The following RGS3 variants were observed in gnomAD, a reference collection of about 807,000 sequenced individuals.
The protein encoded by RGS3 is regulator of G-protein signalling 3.
A neutral mutation model predicts 132.6 loss-of-function variants in RGS3; 80 were observed. The ratio of observed to expected loss-of-function variants is 0.60; its 90% confidence interval spans 0.50 to 0.73. The LOEUF (loss-of-function observed/expected upper bound fraction) is 0.73. RGS3 is among the 30% of genes least tolerant of loss of function. RGS3 has a pLI of 0.00. For synonymous variants in RGS3, 598 were observed against 620.6 expected (o/e 0.96, Z 0.54); for missense variants, 1,382 against 1,530.8 (o/e 0.90, Z 1.62).
Position 113,565,525 on chromosome 9 carries a change from T to C in RGS3, c.2038-17925T>C, listed in dbSNP as rs1236198434. 8.3e-6 allele frequency: 4 copies of C among 484,346 alleles called. No homozygotes were observed. In the East Asian group the frequency reaches 3.0e-4, roughly 37 times the overall value. The allele number at this position is 484,346 out of a possible 1,614,324, so 30.0% of individuals were successfully genotyped here. A position where few individuals can be genotyped will look rare whatever the true frequency, so the allele number is the denominator to read the frequency against. ...TTCTGCTTTTCCTAGCAGGTATCGCTCCCCTGGGGAACTTGGGTAAGTCCA... is the reference window on the plus strand; with the variant it reads ...TTCTGCTTTTCCTAGCAGGTATCGCCCCCCTGGGGAACTTGGGTAAGTCCA... On this transcript the variant is annotated intron_variant, in intron 19 of 24. Transcript: ENST00000350696. This position sits in a 1 kb window ranked among gnomAD's most constrained non-coding sequence, Gnocchi z 5.7.
chr9:113,463,606 T>C lies in RGS3; in HGVS notation c.415+1405T>C. ...GCCGCCTCCCCCACCCCGGCCCAGC[T>C]CTGCTCCGGCAGGTGGAACTCTCCC... On this transcript the variant is annotated intron_variant, in intron 3 of 24. Coordinates refer to ENST00000350696, the Ensembl canonical transcript of RGS3. This position sits in a 1 kb window ranked among gnomAD's most constrained non-coding sequence, Gnocchi z 4.6. The C allele has an allele frequency of 3.0e-6, 2 of 667,030 alleles. No individual in the cohort carries two copies. The highest frequency in any genetic ancestry group is 4.1e-6 in the Non-Finnish European group (2 of 489,968). 41.3% of individuals were successfully genotyped at this position (667,030 alleles called of 1,614,324 possible). A position where few individuals can be genotyped will look rare whatever the true frequency, so the allele number is the denominator to read the frequency against.
At chr9:113,594,175 ACCGTTGCTGCCCGCTGC>A (rs1835608970) in intron 21 of RGS3, 1 of 1,612,952 alleles carries the variant, frequency 6.2e-7, no homozygotes, top group Non-Finnish European at 8.5e-7. Context: ...TGCAGCCTGC[ACCGTTGCTGCCCGCTGC>A]CCAGGACGCG....
rs558102038 is a variant in RGS3 at position 113,504,371 on chromosome 9, C to G, written c.898-1071C>G. Among the ~76,000 whole-genome samples the G allele has an allele frequency of 2.0e-5, 3 of 152,336 alleles. No homozygotes were observed. In the South Asian group the frequency reaches 6.2e-4, roughly 32 times the overall value. ...GGGTCTCTCGGGACCCCTTGAATCCCTTTTCTGATTTGTGCTGCCTTTAGC... is the reference window on the plus strand; with the variant it reads ...GGGTCTCTCGGGACCCCTTGAATCCGTTTTCTGATTTGTGCTGCCTTTAGC... On this transcript the variant is annotated intron_variant, in intron 10 of 24. Coordinates refer to ENST00000350696, the Ensembl canonical transcript of RGS3.
exon 25 of RGS3, chr9:113,597,477 T>C (rs1404744688): frequency 5.2e-5 from 8 of 153,170 alleles, no homozygotes; most frequent in African/African-American, 1.9e-4. Flanking sequence ...TTTTAGCCAA[T>C]GCCTTGGGAG....
intron 19 of RGS3, among the ~76,000 whole-genome samples, chr9:113,576,226 A>T (rs1040491432): frequency 6.6e-6 from 1 of 151,858 alleles, no homozygotes; most frequent in Non-Finnish European, 1.5e-5. Context: ...AAAACAAAAA[A>T]ATGAGTGTGT....
chr9:113,569,522 A>G (rs1319498683), intron 19 of RGS3, among the ~76,000 whole-genome samples: 1 of 151,780 alleles, frequency 6.6e-6, no homozygotes, highest in Non-Finnish European at 1.5e-5. Flanking sequence ...GTTGATTCAA[A>G]TAGCAGCAGC....
intron 16 of RGS3, among the ~76,000 whole-genome samples, chr9:113,520,509 T>C (rs991210939): frequency 6.6e-6 from 1 of 151,854 alleles, no homozygotes; most frequent in African/African-American, 2.4e-5. Flanking sequence ...TCCTCCTACT[T>C]GCCCTACTTC....
intron 3 of RGS3, among the ~76,000 whole-genome samples, chr9:113,468,007 T>G (rs1829705980): frequency 6.6e-6 from 1 of 152,246 alleles, no homozygotes; most frequent in Non-Finnish European, 1.5e-5. Context: ...ATTATAGGCA[T>G]GAACCACTGT....
At chr9:113,593,795 G>C in intron 21 of RGS3, 1 of 927,640 alleles carries the variant, frequency 1.1e-6, no homozygotes, top group Non-Finnish European at 1.7e-6. Context: ...GCTAAAAATG[G>C]TTCTTGGCTA....
At chr9:113,526,895 C>G (rs1832236452) in intron 17 of RGS3, among the ~76,000 whole-genome samples, 1 of 152,200 alleles carries the variant, frequency 6.6e-6, no homozygotes, top group Non-Finnish European at 1.5e-5. Flanking sequence ...GCCCCCAGTT[C>G]TAATGTTCTA....
chr9:113,446,358 G>A (rs1829100363), intron 1 of RGS3, among the ~76,000 whole-genome samples: 1 of 152,204 alleles, frequency 6.6e-6, no homozygotes, highest in South Asian at 2.1e-4. Flanking sequence ...AGAAATGGTG[G>A]AGAGTCATTC....
chr9:113,540,991 T>G lies in RGS3; in HGVS notation c.2037+4073T>G, dbSNP rs192890216. ...TAAAGTGCTGTCCATATGGGAAGATTCATCGGGGGCCTTGTTCATTGAAGC... is the reference window on the plus strand; with the variant it reads ...TAAAGTGCTGTCCATATGGGAAGATGCATCGGGGGCCTTGTTCATTGAAGC... On this transcript the variant is annotated intron_variant, in intron 19 of 24. Coordinates refer to ENST00000350696, the Ensembl canonical transcript of RGS3. Among the ~76,000 whole-genome samples the G allele has an allele frequency of 2.8e-3, 425 of 152,306 alleles. 2 individuals are homozygous for G. Among genetic ancestry groups the G allele is most frequent in the African/African-American group, 9.7e-3 (404 of 41,566 alleles).
intron 7 of RGS3, 64 bp downstream of exon 5, chr9:113,485,757 C>A: frequency 1.7e-6 from 2 of 1,173,074 alleles, no homozygotes; most frequent in Non-Finnish European, 2.5e-6. Context: ...AGCCAGGTGG[C>A]CAGCATACAC....
chr9:113,556,026 C>G (rs1833553649), intron 19 of RGS3, among the ~76,000 whole-genome samples: 1 of 152,198 alleles, frequency 6.6e-6, no homozygotes, highest in African/African-American at 2.4e-5. Flanking sequence ...AAACATTTGC[C>G]CTCATGTTTG....
chr9:113,574,407 A>G (rs1834420337), intron 19 of RGS3, among the ~76,000 whole-genome samples: 1 of 152,150 alleles, frequency 6.6e-6, no homozygotes, highest in Non-Finnish European at 1.5e-5. Context: ...GCCTCCTAGC[A>G]TGGTAGCAGG....
intron 22 of RGS3, 69 bp downstream of exon 20, chr9:113,594,600 G>A (rs755639706): frequency 9.0e-6 from 12 of 1,332,818 alleles, no homozygotes; most frequent in African/African-American, 1.4e-5. Context: ...AGGACTGAGT[G>A]GTAGGGTTGA....
intron 15 of RGS3, among the ~76,000 whole-genome samples, chr9:113,515,158 A>G (rs1042891099): frequency 7.9e-5 from 12 of 152,186 alleles, no homozygotes; most frequent in Non-Finnish European, 1.6e-4. Context: ...GTGCTTGAAG[A>G]AAGATAATGA....
chr9:113,454,369 A>G lies in RGS3; in HGVS notation c.-12-5876A>G, dbSNP rs528125953. 2.0e-5 allele frequency among the ~76,000 whole-genome samples: 3 copies of G among 152,192 alleles called. No homozygotes were observed. The East Asian group carries it at 5.8e-4, about 29-fold the overall frequency. On this transcript the variant is annotated intron_variant, in intron 1 of 25. Coordinates refer to the RGS3 transcript ENST00000374140. ...ATGCCTGTAATCCCAGCACTTTGGG[A>G]GGCTGAGGTGGGTGGATCACTTGAG...
chr9:113,589,595 G>A (rs1294407521), intron 20 of RGS3, among the ~76,000 whole-genome samples: 1 of 152,218 alleles, frequency 6.6e-6, no homozygotes, highest in Non-Finnish European at 1.5e-5. Flanking sequence ...GGAAGCTGAG[G>A]TTAGAATGGG....
Sources: gnomAD v4.1 joint callset for allele counts (sites outside exome capture counted in the v4.1 genomes callset) on GRCh38, gnomAD v4.1.1 for gene constraint, Gnocchi (gnomAD v3.1) non-coding constraint, MANE v1.5 for transcripts, NCBI Gene and HGNC (gene_info 2026-07-23, HGNC 2026-07-21) for gene names.